ST18: variants seen among roughly 807,000 people sequenced by gnomAD.
ST18 encodes ST18 C2H2C-type zinc finger transcription factor.
A neutral mutation model predicts 110.0 loss-of-function variants in ST18; 50 were observed. The observed-to-expected ratio is 0.45, with a 90% CI of 0.36 to 0.58. ST18 has a LOEUF of 0.58. Ranked by LOEUF, ST18 falls within the 20% of genes least tolerant of loss-of-function variation. The pLI is 0.00. For missense variants in ST18, 1,306 were observed against 1,280.1 expected (o/e 1.02, Z -0.31); for synonymous variants, 461 against 452.4 (o/e 1.02, Z -0.24).
At chr8:52,275,191 A>G (rs2095202651) in intron 2 of ST18, among the ~76,000 whole-genome samples, 1 of 152,150 alleles carries the variant, frequency 6.6e-6, no homozygotes, top group Non-Finnish European at 1.5e-5. Context: ...TTTTACTTCA[A>G]GCAAAAACTA....
intron 25 of ST18, among the ~76,000 whole-genome samples, chr8:52,116,020 G>A (rs980153190): frequency 3.3e-5 from 5 of 151,956 alleles, no homozygotes; most frequent in East Asian, 1.9e-4. Flanking sequence ...ATTGTGAACC[G>A]AGCTTTAAAA....
chr8:52,279,320 CAT>C (rs1299691046), intron 2 of ST18, among the ~76,000 whole-genome samples: 10 of 152,146 alleles, frequency 6.6e-5, no homozygotes, highest in Non-Finnish European at 1.2e-4. Flanking sequence ...GGGTTAGACA[CAT>C]GTGAAGAACT....
chr8:52,202,182 A>G, intron 8 of ST18, among the ~76,000 whole-genome samples: 1 of 152,222 alleles, frequency 6.6e-6, no homozygotes, highest in East Asian at 1.9e-4. Flanking sequence ...ACTTGGAAGG[A>G]AAGAAGTCAC....
At position 52,211,802 on chromosome 8, in the gene ST18, GA is replaced by G. The variant is rs1326120589; in HGVS notation, c.86+276del. ...ACCGCATGCAAGGTGTGCACAAAGG[GA>G]TCACATGCTTGATGAAGAAAAGTGG... On this transcript the variant is annotated intron_variant, in intron 8 of 25. Coordinates refer to ENST00000689386, the MANE Select transcript of ST18 (RefSeq NM_001352837.2). 2.6e-5 allele frequency among the ~76,000 whole-genome samples: 4 copies of G among 152,264 alleles called. No homozygotes were observed. In the East Asian group the frequency reaches 7.7e-4, roughly 29 times the overall value.
At chr8:52,193,853 C>T (rs2075347396) in intron 8 of ST18, among the ~76,000 whole-genome samples, 1 of 152,204 alleles carries the variant, frequency 6.6e-6, no homozygotes, top group Non-Finnish European at 1.5e-5. Flanking sequence ...TTTGTGACCA[C>T]ACTCATGTTT....
chr8:52,340,354 A>C (rs182167505), intron 2 of ST18, among the ~76,000 whole-genome samples: 167 of 152,332 alleles, frequency 1.1e-3, no homozygotes, highest in African/African-American at 3.9e-3. Flanking sequence ...CCTGAAGCTT[A>C]TATTTGTTCC....
At chr8:52,114,878 T>G (rs2041985464) in intron 25 of ST18, among the ~76,000 whole-genome samples, 1 of 152,204 alleles carries the variant, frequency 6.6e-6, no homozygotes, top group Non-Finnish European at 1.5e-5. Context: ...ACCACTAGAG[T>G]GCCCTGTGTG....
At chr8:52,182,887 T>TA (rs1461756788) in intron 8 of ST18, among the ~76,000 whole-genome samples, 3 of 152,134 alleles carry the variant, frequency 2.0e-5, no homozygotes, top group Admixed American at 6.5e-5. Flanking sequence ...GGATGGTTAA[T>TA]AAAAAAATTG....
chr8:52,305,425 C>T (rs2095797485), intron 2 of ST18, among the ~76,000 whole-genome samples: 1 of 152,236 alleles, frequency 6.6e-6, no homozygotes, highest in South Asian at 2.1e-4. Context: ...TGCTGTCATT[C>T]AGTCCCAGGG....
intron 8 of ST18, among the ~76,000 whole-genome samples, chr8:52,195,645 G>A (rs77506437): frequency 6.6e-6 from 1 of 151,986 alleles, no homozygotes; most frequent in Non-Finnish European, 1.5e-5. Flanking sequence ...ATAAGTACTG[G>A]GTTTTATTAT....
intron 2 of ST18, among the ~76,000 whole-genome samples, chr8:52,333,521 A>T (rs1810595718): frequency 6.6e-6 from 1 of 152,228 alleles, no homozygotes. Flanking sequence ...GAACTCTGAG[A>T]ACAATAAGAT....
At chr8:52,155,481 A>C (rs895840315) in intron 15 of ST18, among the ~76,000 whole-genome samples, 1 of 152,168 alleles carries the variant, frequency 6.6e-6, no homozygotes, top group Non-Finnish European at 1.5e-5. Context: ...TGTCACAAGC[A>C]CTGGTGCCTT....
At chr8:52,271,024 G>A (rs967573958) in intron 2 of ST18, among the ~76,000 whole-genome samples, 6 of 151,368 alleles carry the variant, frequency 4.0e-5, no homozygotes, top group African/African-American at 7.3e-5. Context: ...TCAGCCTCCC[G>A]AGTAGCTGGG....
chr8:52,338,851 C>T (rs1360954267), intron 2 of ST18, among the ~76,000 whole-genome samples: 1 of 152,050 alleles, frequency 6.6e-6, no homozygotes, highest in African/African-American at 2.4e-5. Flanking sequence ...AATCCTCCTA[C>T]CTCAGTCTCC....
chr8:52,140,800 C>T (rs1034967846), intron 17 of ST18, among the ~76,000 whole-genome samples: 2 of 152,066 alleles, frequency 1.3e-5, no homozygotes, highest in Non-Finnish European at 2.9e-5. Flanking sequence ...CAATCATTTA[C>T]ACTACATTTA....
At chr8:52,239,886 C>T (rs886407798) in intron 2 of ST18, among the ~76,000 whole-genome samples, 1 of 152,098 alleles carries the variant, frequency 6.6e-6, no homozygotes, top group Non-Finnish European at 1.5e-5. Context: ...CTCTACCTCC[C>T]TGGCTCAAGC....
rs2048794814 is a variant in ST18 at position 52,130,119 on chromosome 8, A to AAAAGAAAGAAAGAAAGAAAAGAAAGAAAG, written c.2666+1838_2666+1839insCTTTCTTTCTTTTCTTTCTTTCTTTCTTT. 1.4e-4 allele frequency among the ~76,000 whole-genome samples: 15 copies of AAAAGAAAGAAAGAAAGAAAAGAAAGAAAG among 105,238 alleles called. No individual in the cohort carries two copies. The Admixed American group carries it at 1.5e-3, about 10-fold the overall frequency. The allele number at this position is 105,238 out of a possible 152,430, so 69.0% of individuals were successfully genotyped here. On this transcript the variant is annotated intron_variant, in intron 22 of 25. Coordinates refer to ENST00000689386, the MANE Select transcript of ST18 (RefSeq NM_001352837.2). ...AAAAGAAAGAAAGAAAGAAAGAAAG[A>AAAAGAAAGAAAGAAAGAAAAGAAAGAAAG]AAAGAAAGAAAGAAAGAAAGAAAGA...
At chr8:52,158,158 A>G (rs558192972) in intron 15 of ST18, among the ~76,000 whole-genome samples, 2 of 152,338 alleles carry the variant, frequency 1.3e-5, no homozygotes, top group Non-Finnish European at 2.9e-5. Flanking sequence ...GTCAAAGGGC[A>G]TGAAGGATCT....
intron 23 of ST18, among the ~76,000 whole-genome samples, chr8:52,120,383 G>A (rs74927455): frequency 0.026 from 3,890 of 152,168 alleles, 147 homozygotes; most frequent in African/African-American, 0.089. Flanking sequence ...CATAATATCT[G>A]GTGAGGCAGA....
Sources: allele counts gnomAD v4.1 joint callset (sites outside exome capture counted in the v4.1 genomes callset), GRCh38; gene constraint gnomAD v4.1.1; transcripts MANE v1.5; gene names NCBI Gene and HGNC (gene_info 2026-07-23, HGNC 2026-07-21).